Variants in SLC5A9 observed in about 807,000 individuals in gnomAD.
SLC5A9 encodes solute carrier family 5 member 9.
In SLC5A9, 59 loss-of-function variants were observed where a neutral mutation model predicts 70.9. The ratio of observed to expected loss-of-function variants is 0.83; its 90% CI spans 0.68 to 1.03. SLC5A9 has a LOEUF of 1.03. Among genes scored for constraint, SLC5A9 ranks in the 50% least tolerant of loss-of-function variants. The pLI is 0.00. For missense variants in SLC5A9, 832 were observed against 881.1 expected, an observed-to-expected ratio of 0.94 and a Z score of 0.71; for synonymous variants, 340 against 346.5, an observed-to-expected ratio of 0.98 and a Z score of 0.21.
intron 8 of SLC5A9, among the ~76,000 whole-genome samples, chr1:48,233,052 A>G (rs1644276070): frequency 1.3e-5 from 2 of 151,604 alleles, no homozygotes; most frequent in South Asian, 2.1e-4. Flanking sequence ...AAAGAAAAAG[A>G]AAAGAAAAGA....
At position 48,239,265 on chromosome 1, in the gene SLC5A9, C is replaced by T; in HGVS notation, c.1462-57C>T. On this transcript the variant is annotated intron_variant, in intron 11 of 13. Coordinates refer to ENST00000438567, the MANE Select transcript of SLC5A9 (RefSeq NM_001011547.3). The surrounding 1 kb of genome is among the most constrained non-coding windows in gnomAD (Gnocchi z 4.2). ...AGATTTGGGGAGAGAGTAGTTTTAC[C>T]TTCCTAGGGTCTCCCACCTGGATCT... 7.6e-7 allele frequency: 1 copy of T among 1,317,630 alleles called. No homozygotes were observed. The highest frequency in any genetic ancestry group is 1.1e-6 in the Non-Finnish European group (1 of 944,868). 81.6% of individuals were successfully genotyped at this position (1,317,630 alleles called of 1,614,324 possible). A position where few individuals can be genotyped will look rare whatever the true frequency, so the allele number is the denominator to read the frequency against.
Position 48,237,689 on chromosome 1 carries a change from G to A in SLC5A9, c.1303G>A (p.Val435Met), listed in dbSNP as rs761379470. The A allele has an allele frequency of 5.0e-5, 80 of 1,613,816 alleles. 1 individual carries two copies. In the South Asian group the frequency reaches 8.8e-4, roughly 18 times the overall value. The stretch of plus-strand genomic sequence containing the variant: ...TGCTCTCTCTGGCAGAGTGTTTGTG[G>A]TGTTCCTGGTTGTCATCAGCATCCT... ...ELMVVGRVFV[V>M]FLVVISILWI... is the part of the protein sequence containing the mutation. Residue 435 changes from valine to methionine, a missense_variant, in exon 11 of 14, where the codon GTG (valine) becomes ATG (methionine). Physicochemically the swap from Val to Met is conservative, Grantham distance 21 (BLOSUM62 1). Coordinates refer to ENST00000438567, the MANE Select transcript of SLC5A9 (RefSeq NM_001011547.3).
At chr1:48,242,303 A>C in intron 12 of SLC5A9, 154 bp from the exon 13 acceptor site, 2 of 814,332 alleles carry the variant, frequency 2.5e-6, no homozygotes, top group Non-Finnish European at 3.9e-6. Flanking sequence ...AGAGGAAGTC[A>C]GGGCTGAGAT....
chr1:48,228,177 G>A (rs1644192252), intron 2 of SLC5A9: 1 of 152,316 alleles, frequency 6.6e-6, no homozygotes, highest in African/African-American at 2.4e-5. Flanking sequence ...ACTTGGGCAA[G>A]TTACCTATCT....
intron 8 of SLC5A9, 113 bp from the exon 9 acceptor site, chr1:48,233,542 G>A: frequency 1.0e-5 from 8 of 774,180 alleles, no homozygotes. Flanking sequence ...GTAGACATGG[G>A]TCCCTGTCAG....
At chr1:48,235,630 C>G (rs964017780) in intron 9 of SLC5A9, 99 bp from the exon 10 acceptor site, 2 of 1,437,212 alleles carry the variant, frequency 1.4e-6, no homozygotes, top group Admixed American at 2.0e-5. Context: ...ATCCCCACCC[C>G]CAGCTCCTGA....
intron 10 of SLC5A9, 71 bp downstream of exon 10, chr1:48,235,950 CAGAGG>C: frequency 6.3e-7 from 1 of 1,584,234 alleles, no homozygotes; most frequent in Non-Finnish European, 8.6e-7. Flanking sequence ...TTACCCTGAA[CAGAGG>C]TGGCTGGGTT....
intron 1 of SLC5A9, among the ~76,000 whole-genome samples, chr1:48,224,508 G>A (rs1177023667): frequency 6.6e-6 from 1 of 152,208 alleles, no homozygotes; most frequent in East Asian, 1.9e-4. Context: ...ACTGGCCCTG[G>A]GAGATGAATG....
At chr1:48,234,399 A>G (rs1644298875) in intron 9 of SLC5A9, among the ~76,000 whole-genome samples, 2 of 152,000 alleles carry the variant, frequency 1.3e-5, no homozygotes, top group Non-Finnish European at 2.9e-5. Context: ...GCATGACTGG[A>G]TTTGTGTTTT....
chr1:48,227,166 AGT>A (rs1431137527), intron 2 of SLC5A9, among the ~76,000 whole-genome samples: 36 of 109,488 alleles, frequency 3.3e-4, no homozygotes, highest in Admixed American at 1.5e-3. Flanking sequence ...TGTGTGTCAG[AGT>A]GTGTGTGCGT....
In SLC5A9 at chr1:48,232,399, T is replaced by G. The variant is rs1323566213; in HGVS notation, c.930T>G (p.Ser310Arg). 6.2e-7 allele frequency: 1 copy of G among 1,613,992 alleles called. No individual in the cohort carries two copies. Among genetic ancestry groups the G allele is most frequent in the South Asian group, 1.1e-5 (1 of 91,066 alleles). ...TGCAGCGGTCTCTCTCGGCCAAGAGTCTGTCTCATGCCAAGGGAGGCTCCG... is the reference window on the plus strand; with the variant it reads ...TGCAGCGGTCTCTCTCGGCCAAGAGGCTGTCTCATGCCAAGGGAGGCTCCG... ...VIVQRSLSAKSLSHAKGGSVL... is the reference protein window; with the variant it reads ...VIVQRSLSAKRLSHAKGGSVL... The change falls in exon 8 of 14, where the codon AGT becomes AGG. Residue 310 changes from serine to arginine, a missense_variant. Ser to Arg is a moderately radical substitution (Grantham distance 110, BLOSUM62 -1). Transcript: ENST00000438567.
At chr1:48,244,876 G>GTGTGTGTA (rs1215387993) in intron 13 of SLC5A9, among the ~76,000 whole-genome samples, 1 of 11,494 alleles carries the variant, frequency 8.7e-5, no homozygotes, top group Non-Finnish European at 1.9e-4. Flanking sequence ...GTATGTGTAT[G>GTGTGTGTA]TGTATATATA....
chr1:48,224,624 C>A, intron 1 of SLC5A9, 100 bp from the exon 2 acceptor site: 1 of 1,199,378 alleles, frequency 8.3e-7, no homozygotes, highest in Non-Finnish European at 1.2e-6. Flanking sequence ...TCTGTGTCCC[C>A]ACAGTGCCTG....
chr1:48,226,835 G>A (rs181761273), intron 2 of SLC5A9, among the ~76,000 whole-genome samples: 156 of 152,308 alleles, frequency 1.0e-3, no homozygotes, highest in African/African-American at 3.7e-3. Context: ...AGAACTGCCT[G>A]GGGGAGGCTT....
intron 5 of SLC5A9, 128 bp downstream of exon 5, chr1:48,230,833 CA>C (rs1644238054): frequency 1.5e-6 from 1 of 681,772 alleles, no homozygotes; most frequent in Non-Finnish European, 2.5e-6. Flanking sequence ...AGAGGAGAAA[CA>C]GGAGAGGCAG....
At chr1:48,242,897 A>T (rs1415996890) in intron 13 of SLC5A9, among the ~76,000 whole-genome samples, 1 of 152,188 alleles carries the variant, frequency 6.6e-6, no homozygotes, top group Non-Finnish European at 1.5e-5. Flanking sequence ...TATTCCACAG[A>T]GGTACCCATC....
intron 12 of SLC5A9, among the ~76,000 whole-genome samples, chr1:48,241,724 CTCTT>C (rs1644392814): frequency 1.3e-5 from 2 of 151,912 alleles, no homozygotes; most frequent in Non-Finnish European, 2.9e-5. Flanking sequence ...CTCTCTCTCT[CTCTT>C]TCTCTATCTC....
Position 48,247,703 on chromosome 1 carries a change from C to A in SLC5A9, c.*160C>A. 2.9e-6 allele frequency: 2 copies of A among 691,468 alleles called. No homozygotes were observed. Among genetic ancestry groups the A allele is most frequent in the Non-Finnish European group, 4.9e-6 (2 of 407,486 alleles). The allele number at this position is 691,468 out of a possible 1,614,324, so 42.8% of individuals were successfully genotyped here. On this transcript the variant is annotated 3_prime_UTR_variant, in exon 14 of 14. Coordinates refer to ENST00000438567, the MANE Select transcript of SLC5A9 (RefSeq NM_001011547.3). ...AATCCAACTCAACCTGCACACTTGA[C>A]AAGTGGAGAAACAGAAGCCCAGAGA...
Position 48,233,669 on chromosome 1 carries a change from G to C in SLC5A9, c.1048G>C (p.Val350Leu). The C allele has an allele frequency of 5.0e-6, 8 of 1,613,940 alleles. No individual in the cohort carries two copies. The highest frequency in any genetic ancestry group is 6.8e-6 in the Non-Finnish European group (8 of 1,179,940). ...TTCTTCCACAGACGAGGTGGGCTGC[G>C]TGGACCCTGATGTCTGCCAAAGAAT... ...RALFPDEVGCVDPDVCQRICG... is the reference protein window; with the variant it reads ...RALFPDEVGCLDPDVCQRICG... The change falls in exon 9 of 14, where the codon GTG becomes CTG. Residue 350 changes from valine (V) to leucine (L), a missense_variant. Coordinates refer to ENST00000438567, the MANE Select transcript of SLC5A9 (RefSeq NM_001011547.3).
Sources: allele counts gnomAD v4.1 joint callset (sites outside exome capture counted in the v4.1 genomes callset), GRCh38; gene constraint gnomAD v4.1.1; non-coding constraint Gnocchi (gnomAD v3.1); transcripts MANE v1.5; gene names NCBI Gene and HGNC (gene_info 2026-07-23, HGNC 2026-07-21).